The following TRIM44 variants were observed in gnomAD, a reference collection of about 807,000 sequenced individuals.
TRIM44 encodes the protein tripartite motif-containing protein 44.
TRIM44 carries 13 observed loss-of-function variants against 37.4 expected under a neutral mutation model. The observed-to-expected ratio is 0.35, with a 90% CI of 0.23 to 0.55. TRIM44 has a LOEUF of 0.55. Among genes scored for constraint, TRIM44 ranks in the 20% least tolerant of loss-of-function variants. TRIM44 has a pLI of 0.89. For missense variants in TRIM44, 426 were observed against 437.2 expected (o/e 0.97, Z 0.23); for synonymous variants, 175 against 157.2 (o/e 1.11, Z -0.85).
rs1355830853 is a variant in TRIM44, at chr11:35,806,836, G to GCT, written c.*451_*452insCT. The GCT allele has an allele frequency of 6.3e-6, 1 of 159,642 alleles. No homozygotes were observed. The highest frequency in any genetic ancestry group is 1.8e-4 in the East Asian group (1 of 5,514). 9.9% of individuals were successfully genotyped at this position (159,642 alleles called of 1,614,324 possible). ...GAAGCATGAAATAAATGAGAGCAAG[G>GCT]TAGGGCCAAATTAACTCTTGTGGAC... On this transcript the variant is annotated 3_prime_UTR_variant, in exon 5 of 5. Coordinates refer to ENST00000299413, the MANE Select transcript of TRIM44 (RefSeq NM_017583.6).
intron 2 of TRIM44, among the ~76,000 whole-genome samples, chr11:35,686,356 C>CTT (rs1564950292): frequency 7.0e-6 from 1 of 143,622 alleles, no homozygotes; most frequent in Admixed American, 7.3e-5. Context: ...ACTGTAGGTT[C>CTT]TTTTTGTTTT....
chr11:35,711,014 C>T (rs1851963601), intron 2 of TRIM44, among the ~76,000 whole-genome samples: 1 of 152,096 alleles, frequency 6.6e-6, no homozygotes, highest in African/African-American at 2.4e-5. Context: ...TAGAAAGAGA[C>T]TCAATACTGT....
chr11:35,664,161 TG>T (rs1320717086), intron 1 of TRIM44, among the ~76,000 whole-genome samples: 1 of 152,194 alleles, frequency 6.6e-6, no homozygotes, highest in Non-Finnish European at 1.5e-5. Context: ...TTTGCCTACT[TG>T]AAAACATGGG....
At chr11:35,679,452 C>G (rs1179590430) in intron 1 of TRIM44, among the ~76,000 whole-genome samples, 1 of 152,114 alleles carries the variant, frequency 6.6e-6, no homozygotes, top group Non-Finnish European at 1.5e-5. Flanking sequence ...TCATGGTGTT[C>G]AAACACAAGG....
chr11:35,736,818 T>C (rs1003229336), intron 4 of TRIM44, among the ~76,000 whole-genome samples: 2 of 152,212 alleles, frequency 1.3e-5, no homozygotes, highest in African/African-American at 4.8e-5. Context: ...AACAGGCTCC[T>C]TCTTTGTTGT....
chr11:35,701,033 G>A (rs999631406), intron 2 of TRIM44, among the ~76,000 whole-genome samples: 11 of 151,956 alleles, frequency 7.2e-5, no homozygotes, highest in African/African-American at 1.7e-4. Context: ...TTTTTAATTG[G>A]ATTACTGGGT....
chr11:35,674,275 C>T (rs535173355), intron 1 of TRIM44, among the ~76,000 whole-genome samples: 21 of 150,978 alleles, frequency 1.4e-4, no homozygotes, highest in African/African-American at 4.9e-4. Context: ...CATGTGTTTG[C>T]GTGTATGTAT....
At chr11:35,788,433 T>C (rs1853157393) in intron 4 of TRIM44, among the ~76,000 whole-genome samples, 1 of 152,132 alleles carries the variant, frequency 6.6e-6, no homozygotes, top group Non-Finnish European at 1.5e-5. Context: ...CATAAGGGGT[T>C]GTTGGAACAA....
chr11:35,776,645 T>C (rs1852967184), intron 4 of TRIM44, among the ~76,000 whole-genome samples: 1 of 152,218 alleles, frequency 6.6e-6, no homozygotes. Context: ...TCCCAGAGAT[T>C]CTGGTATGTT....
At chr11:35,705,816 A>T (rs1363824567) in intron 2 of TRIM44, among the ~76,000 whole-genome samples, 1 of 148,496 alleles carries the variant, frequency 6.7e-6, no homozygotes, top group Non-Finnish European at 1.5e-5. Flanking sequence ...AGCAGGAAAG[A>T]TCCAAAATTG....
At chr11:35,664,941 C>T (rs1455777231) in intron 1 of TRIM44, among the ~76,000 whole-genome samples, 1 of 152,160 alleles carries the variant, frequency 6.6e-6, no homozygotes, top group South Asian at 2.1e-4. Flanking sequence ...TGTATGCATT[C>T]CTAAACTTAT....
chr11:35,787,827 C>T (rs1853149666), intron 4 of TRIM44, among the ~76,000 whole-genome samples: 1 of 152,172 alleles, frequency 6.6e-6, no homozygotes, highest in South Asian at 2.1e-4. Flanking sequence ...ATGGGCATAT[C>T]CCCAAACCAC....
At chr11:35,774,996 T>A (rs1852935684) in intron 4 of TRIM44, among the ~76,000 whole-genome samples, 1 of 152,240 alleles carries the variant, frequency 6.6e-6, no homozygotes. Context: ...TTTTTCCACT[T>A]CTGTGAAGAA....
intron 1 of TRIM44, among the ~76,000 whole-genome samples, chr11:35,675,584 C>T (rs1309245231): frequency 3.3e-5 from 5 of 152,142 alleles, no homozygotes; most frequent in African/African-American, 4.8e-5. Context: ...CGGAGTGGCA[C>T]GATGTCGGCT....
chr11:35,797,399 G>A (rs1853307438), intron 4 of TRIM44, among the ~76,000 whole-genome samples: 1 of 152,186 alleles, frequency 6.6e-6, no homozygotes, highest in South Asian at 2.1e-4. Flanking sequence ...CAAGGAGAGG[G>A]AACGTAACTC....
At chr11:35,732,041 C>T (rs1175367956) in intron 3 of TRIM44, among the ~76,000 whole-genome samples, 2 of 152,150 alleles carry the variant, frequency 1.3e-5, no homozygotes, top group Non-Finnish European at 2.9e-5. Flanking sequence ...GTTCTTATAA[C>T]TTACTGTTTC....
At chr11:35,692,672 C>T (rs1851650796) in intron 2 of TRIM44, among the ~76,000 whole-genome samples, 1 of 152,110 alleles carries the variant, frequency 6.6e-6, no homozygotes, top group African/African-American at 2.4e-5. Flanking sequence ...CGCCTGTAAT[C>T]CCAACACTTT....
At chr11:35,686,047 C>T (rs965935603) in intron 2 of TRIM44, among the ~76,000 whole-genome samples, 1 of 152,172 alleles carries the variant, frequency 6.6e-6, no homozygotes, top group Non-Finnish European at 1.5e-5. Context: ...CTTATCTCTC[C>T]ACTGCTTCCA....
chr11:35,735,679 A>G lies in TRIM44; in HGVS notation c.1007+234A>G, dbSNP rs528773761. On this transcript the variant is annotated intron_variant, in intron 4 of 4. Coordinates refer to ENST00000299413, the MANE Select transcript of TRIM44 (RefSeq NM_017583.6). ...CTTTGTTGTATTCTTTTGTACATTC[A>G]GAATACCTTGTTAAGAAGAATAGGC... 2.9e-4 allele frequency among the ~76,000 whole-genome samples: 44 copies of G among 152,286 alleles called. No homozygotes were observed. In the South Asian group the frequency reaches 6.2e-3, roughly 22 times the overall value.
Sources: allele counts gnomAD v4.1 joint callset (sites outside exome capture counted in the v4.1 genomes callset), GRCh38; gene constraint gnomAD v4.1.1; transcripts MANE v1.5; gene names NCBI Gene and HGNC (gene_info 2026-07-23, HGNC 2026-07-21).